JPH1: variants seen among roughly 807,000 people sequenced by gnomAD.
The protein encoded by JPH1 is junctophilin-1.
In JPH1, 12 loss-of-function variants were observed where a neutral mutation model predicts 53.6. That is an observed-to-expected ratio of 0.22 (90% CI 0.14 to 0.36). The LOEUF (loss-of-function observed/expected upper bound fraction) is 0.36. Among genes scored for constraint, JPH1 ranks in the 10% least tolerant of loss-of-function variants. The pLI, the probability that JPH1 is intolerant of heterozygous loss-of-function variation, is 1.00. For synonymous variants in JPH1, 375 were observed against 363.8 expected (o/e 1.03, Z -0.35); for missense variants, 808 against 905.5 (o/e 0.89, Z 1.38).
chr8:74,255,503 AAAC>A (rs1393096210), intron 3 of JPH1, among the ~76,000 whole-genome samples: 198 of 152,258 alleles, frequency 1.3e-3, no homozygotes, highest in African/African-American at 4.5e-3. Context: ...TTCATGTCTA[AAAC>A]ACCAAAAGCA....
At chr8:74,265,444 G>C (rs1012847867) in intron 2 of JPH1, among the ~76,000 whole-genome samples, 2 of 152,136 alleles carry the variant, frequency 1.3e-5, no homozygotes, top group Non-Finnish European at 2.9e-5. Flanking sequence ...TCTAATCCTT[G>C]ATTGGAATAT....
chr8:74,249,673 A>T (rs754513388), intron 3 of JPH1, among the ~76,000 whole-genome samples: 4 of 152,224 alleles, frequency 2.6e-5, no homozygotes, highest in Non-Finnish European at 2.9e-5. Flanking sequence ...TTTATTCATA[A>T]TTTTGGGTTT....
intron 3 of JPH1, among the ~76,000 whole-genome samples, chr8:74,246,796 A>T (rs1015731736): frequency 6.6e-6 from 1 of 152,196 alleles, no homozygotes; most frequent in African/African-American, 2.4e-5. Flanking sequence ...AGTTTCCCAA[A>T]TTTGTCAAGA....
At chr8:74,286,223 C>A (rs967863542) in intron 2 of JPH1, among the ~76,000 whole-genome samples, 1 of 152,090 alleles carries the variant, frequency 6.6e-6, no homozygotes, top group Non-Finnish European at 1.5e-5. Context: ...TGCAACTGTC[C>A]CTTCCTTTAG....
At chr8:74,273,605 T>C (rs1182034568) in intron 2 of JPH1, among the ~76,000 whole-genome samples, 2 of 152,224 alleles carry the variant, frequency 1.3e-5, no homozygotes, top group African/African-American at 4.8e-5. Flanking sequence ...CAGGCTCCTC[T>C]GTCAAATAAG....
intron 2 of JPH1, among the ~76,000 whole-genome samples, chr8:74,277,009 T>A (rs527977216): frequency 2.0e-5 from 3 of 152,338 alleles, no homozygotes; most frequent in African/African-American, 7.2e-5. Context: ...TCACATTATT[T>A]TACTTAAAGA....
At chr8:74,295,942 C>G (rs942826682) in intron 2 of JPH1, among the ~76,000 whole-genome samples, 1 of 151,394 alleles carries the variant, frequency 6.6e-6, no homozygotes, top group South Asian at 2.1e-4. Flanking sequence ...CTATCACTAA[C>G]CACAAAGGAC....
intron 3 of JPH1, among the ~76,000 whole-genome samples, chr8:74,257,868 T>C (rs548108653): frequency 6.6e-6 from 1 of 152,328 alleles, no homozygotes; most frequent in South Asian, 2.1e-4. Flanking sequence ...TGATGATATC[T>C]ATCATTCAAC....
chr8:74,238,041 T>C (rs2131371682), intron 4 of JPH1, among the ~76,000 whole-genome samples: 1 of 152,338 alleles, frequency 6.6e-6, no homozygotes, highest in Middle Eastern at 3.4e-3. Context: ...CAACCTCATA[T>C]AACCCATCTT....
chr8:74,245,029 T>C lies in JPH1; in HGVS notation c.1405A>G (p.Ser469Gly). Reference protein sequence around the residue: ...GTTPPRSPEASPKHSHSPASS... With the variant: ...GTTPPRSPEAGPKHSHSPASS... The stretch of plus-strand genomic sequence containing the variant: ...GCAGGAGAGTGGCTGTGTTTGGGAC[T>C]TGCCTCAGGAGATCTTGGGGGTGTC... The change falls in exon 4 of 6, where the codon AGT (serine) becomes GGT (glycine). Residue 469 changes from serine to glycine, a missense_variant. Coordinates refer to ENST00000342232, the MANE Select transcript of JPH1 (RefSeq NM_020647.4). The C allele has an allele frequency of 1.2e-6, 2 of 1,613,978 alleles. No homozygotes were observed. The highest frequency in any genetic ancestry group is 1.7e-6 in the Non-Finnish European group (2 of 1,179,998).
rs1806331561 is a variant in JPH1 at position 74,259,496 on chromosome 8, G to A, written c.1147C>T (p.His383Tyr). Residue 383 changes from histidine to tyrosine, a missense_variant, in exon 3 of 6, where the codon CAT (histidine) becomes TAT (tyrosine). Physicochemically the swap from His to Tyr is moderately conservative, Grantham distance 83 (BLOSUM62 2). Transcript: ENST00000342232. ...GCGGCATCGGCCTTCGCTCTGGCAT[G>A]TGCAGTCCTACACGGGGCACAAAAG... Reference protein sequence around the residue: ...KVEIANSRTAHARAKADAADQ... With the variant: ...KVEIANSRTAYARAKADAADQ... The A allele has an allele frequency of 6.2e-7, 1 of 1,606,550 alleles. No homozygotes were observed. The highest frequency in any genetic ancestry group is 8.5e-7 in the Non-Finnish European group (1 of 1,175,066).
chr8:74,241,244 G>A (rs16938826), intron 4 of JPH1, among the ~76,000 whole-genome samples: 2,227 of 152,230 alleles, frequency 0.015, 115 homozygotes, highest in Admixed American at 0.1. Flanking sequence ...ATAAAAATCC[G>A]GGATGCTCTG....
chr8:74,270,122 C>T (rs1563404853), intron 2 of JPH1, among the ~76,000 whole-genome samples: 1 of 152,012 alleles, frequency 6.6e-6, no homozygotes, highest in Admixed American at 6.5e-5. Context: ...GGCTGACCTT[C>T]AAATGAAAGA....
chr8:74,308,202 G>C (rs1427241215), intron 2 of JPH1, among the ~76,000 whole-genome samples: 2 of 152,188 alleles, frequency 1.3e-5, no homozygotes, highest in African/African-American at 4.8e-5. Context: ...GTTAGGATAA[G>C]CTGACTTCCT....
chr8:74,274,937 A>G (rs1806805469), intron 2 of JPH1, among the ~76,000 whole-genome samples: 1 of 152,200 alleles, frequency 6.6e-6, no homozygotes, highest in Non-Finnish European at 1.5e-5. Context: ...ATCTGGAGGA[A>G]TTTTAGTATA....
chr8:74,274,762 C>CT (rs932879754), intron 2 of JPH1, among the ~76,000 whole-genome samples: 8 of 152,138 alleles, frequency 5.3e-5, no homozygotes, highest in African/African-American at 1.9e-4. Context: ...AATTATCCCT[C>CT]TATCATGAAA....
chr8:74,240,780 A>T (rs1805671868), intron 4 of JPH1, among the ~76,000 whole-genome samples: 1 of 152,250 alleles, frequency 6.6e-6, no homozygotes, highest in South Asian at 2.1e-4. Flanking sequence ...CAGGAAAGTG[A>T]AATAGCAGAG....
Position 74,245,156 on chromosome 8 carries a change from CTGTT to C in JPH1, c.1274_1277del (p.Lys425ArgfsTer7), listed in dbSNP as rs762436936. Reference sequence around the variant, plus strand: ...TAGCATCTACACCTTCCTGAAATCTCTGTTTGACGTAATCAGGGCCTGGCCAAAA... The same window carrying C: ...TAGCATCTACACCTTCCTGAAATCTCTGACGTAATCAGGGCCTGGCCAAAA... On this transcript the variant is annotated frameshift_variant, in exon 4 of 6. Coordinates refer to ENST00000342232, the MANE Select transcript of JPH1 (RefSeq NM_020647.4). LOFTEE classifies it high-confidence loss of function. 6.3e-7 allele frequency: 1 copy of C among 1,585,534 alleles called. No individual in the cohort carries two copies. Among genetic ancestry groups the C allele is most frequent in the Non-Finnish European group, 8.5e-7 (1 of 1,171,898 alleles).
At chr8:74,251,635 T>C in intron 3 of JPH1, among the ~76,000 whole-genome samples, 1 of 152,314 alleles carries the variant, frequency 6.6e-6, no homozygotes, top group South Asian at 2.1e-4. Flanking sequence ...ATTTAAAATT[T>C]TTTTGATTAA....
Sources: allele counts gnomAD v4.1 joint callset (sites outside exome capture counted in the v4.1 genomes callset), GRCh38; gene constraint gnomAD v4.1.1; transcripts MANE v1.5; gene names NCBI Gene and HGNC (gene_info 2026-07-23, HGNC 2026-07-21).